The following ELFN2 variants were observed in gnomAD, a reference collection of about 807,000 sequenced individuals.
ELFN2 encodes protein phosphatase 1 regulatory subunit 29.
ELFN2 carries 17 observed loss-of-function variants against 45.5 expected under a neutral mutation model. That is an observed-to-expected ratio of 0.37 (90% CI 0.26 to 0.56). The LOEUF is 0.56. Ranked by LOEUF, ELFN2 falls within the 20% of genes least tolerant of loss-of-function variation. ELFN2 has a pLI of 0.77. For synonymous variants in ELFN2, 550 were observed against 551.5 expected (o/e 1.00, Z 0.04); for missense variants, 922 against 1,183.2 (o/e 0.78, Z 3.24).
Position 37,374,347 on chromosome 22 carries a change from G to C in ELFN2, c.1188C>G (p.His396Gln). ...GGCAGCCCAGGATGGTCATGATGTA[G>C]TGGGTGGTGGTGGAGGTGCTGGGCG... Reference protein sequence around the residue: ...DLAPSTSTTTHYIMTILGCLF... With the variant: ...DLAPSTSTTTQYIMTILGCLF... The change falls in exon 3 of 3, where the codon CAC (histidine) becomes CAG (glutamine). Residue 396 changes from histidine to glutamine, a missense_variant. Coordinates refer to ENST00000402918, the MANE Select transcript of ELFN2 (RefSeq NM_052906.5). The C allele has an allele frequency of 1.9e-6, 3 of 1,614,104 alleles. No homozygotes were observed. Among genetic ancestry groups the C allele is most frequent in the Non-Finnish European group, 2.5e-6 (3 of 1,180,032 alleles).
Position 37,375,305 on chromosome 22 carries a change from C to T in ELFN2, c.230G>A (p.Arg77His), listed in dbSNP as rs749342938. 1 of 1,614,036 alleles carries T rather than the reference C, an allele frequency of 6.2e-7. No homozygotes were observed. ...GTTGAGGTCGGTGAGGTTCCCAAAG[C>T]GGTTGAGCGAGGAGTAGAGCACGGC... ...LKAVLYSSLNRFGNLTDLNLT... is the reference protein window; with the variant it reads ...LKAVLYSSLNHFGNLTDLNLT... The change falls in exon 3 of 3, where the codon CGC becomes CAC. Residue 77 changes from arginine (R) to histidine (H), a missense_variant. Physicochemically the swap from Arg to His is conservative, Grantham distance 29. Coordinates refer to ENST00000402918, the MANE Select transcript of ELFN2 (RefSeq NM_052906.5).
In ELFN2 at chr22:37,371,902, T is replaced by C. The variant is rs1328474380; in HGVS notation, c.*1170A>G. On this transcript the variant is annotated 3_prime_UTR_variant, in exon 3 of 3. Coordinates refer to ENST00000402918, the MANE Select transcript of ELFN2 (RefSeq NM_052906.5). This position sits in a 1 kb window ranked among gnomAD's most constrained non-coding sequence, Gnocchi z 6.4. ...GCCTGGATGAGCAGCCCAGAGGGGA[T>C]GGGTGAGAAAGCCCTCCTTCCCCGG... The C allele has an allele frequency of 1.3e-5, 2 of 152,320 alleles. No individual in the cohort carries two copies. The highest frequency in any genetic ancestry group is 1.9e-4 in the East Asian group (1 of 5,168). 9.4% of individuals were successfully genotyped at this position (152,320 alleles called of 1,614,324 possible). A position where few individuals can be genotyped will look rare whatever the true frequency, so the allele number is the denominator to read the frequency against.
At chr22:37,418,865 C>G (rs1173965593) in intron 1 of ELFN2, 1 of 152,528 alleles carries the variant, frequency 6.6e-6, no homozygotes, top group South Asian at 2.1e-4. Flanking sequence ...AGCACAGTAC[C>G]TGGCTGACCT....
chr22:37,414,177 A>AT (rs1332802960), intron 2 of ELFN2, among the ~76,000 whole-genome samples: 1 of 152,212 alleles, frequency 6.6e-6, no homozygotes, highest in Admixed American at 6.5e-5. Context: ...ACAAAAAAAA[A>AT]GCTGTCTTCA....
intron 1 of ELFN2, among the ~76,000 whole-genome samples, chr22:37,348,378 G>A (rs1042297187): frequency 7.3e-6 from 1 of 137,554 alleles, no homozygotes; most frequent in Non-Finnish European, 1.7e-5. Context: ...AGGCGTGGCT[G>A]TGGGGTTGAG....
chr22:37,399,147 G>A (rs1414518188), intron 2 of ELFN2, among the ~76,000 whole-genome samples: 67 of 152,214 alleles, frequency 4.4e-4, no homozygotes, highest in Non-Finnish European at 1.6e-4. Context: ...TGAACTCGGA[G>A]AGGCTTTTTG....
rs1482918099 is a variant in ELFN2 at position 37,346,436 on chromosome 22, G to A, written n.149-3733C>T. On this transcript the variant is annotated intron_variant and non_coding_transcript_variant, in intron 1 of 2. Transcript: ENST00000452946. ...CAGGCCCTGGGTGGCCCTGGCAGCT[G>A]CTCTGTCCCCACCCTACACACCCCT... Among the ~76,000 whole-genome samples the A allele has an allele frequency of 1.3e-5, 2 of 150,578 alleles. 1 individual carries two copies. The highest frequency in any genetic ancestry group is 4.2e-4 in the South Asian group (2 of 4,788).
intron 2 of ELFN2, among the ~76,000 whole-genome samples, chr22:37,394,729 T>G (rs915202739): frequency 2.0e-5 from 3 of 152,168 alleles, no homozygotes; most frequent in Non-Finnish European, 4.4e-5. Flanking sequence ...AATGAAGAAC[T>G]CTTCACTCCT....
At chr22:37,360,072 G>T (rs187875020) in intron 1 of ELFN2, among the ~76,000 whole-genome samples, 63 of 152,362 alleles carry the variant, frequency 4.1e-4, no homozygotes, top group African/African-American at 1.5e-3. Flanking sequence ...GGTGCTGGTG[G>T]TGGGCATGAC....
At chr22:37,348,999 G>T (rs918956479) in intron 1 of ELFN2, among the ~76,000 whole-genome samples, 3 of 151,084 alleles carry the variant, frequency 2.0e-5, no homozygotes, top group Admixed American at 1.3e-4. Context: ...TGAGCGTTTA[G>T]TGCATGCTGG....
chr22:37,357,708 C>T (rs1013581919), intron 1 of ELFN2, among the ~76,000 whole-genome samples: 11 of 152,206 alleles, frequency 7.2e-5, no homozygotes, highest in Non-Finnish European at 1.6e-4. Flanking sequence ...AAAAATGTTG[C>T]GGTGCCCTAG....
rs949010308 is a variant in ELFN2 at position 37,343,140 on chromosome 22, T to A, written n.149-437A>T. On this transcript the variant is annotated intron_variant and non_coding_transcript_variant, in intron 1 of 2. Transcript: ENST00000452946. ...ACCGGAACTTGCCGAGGACACACAG[T>A]GAGGCCACAGCAGGGCGGCGACTGG... 3.7e-4 allele frequency among the ~76,000 whole-genome samples: 56 copies of A among 152,028 alleles called. 1 individual carries two copies. Among genetic ancestry groups the A allele is most frequent in the Middle Eastern group, 3.2e-3 (1 of 316 alleles).
intron 1 of ELFN2, among the ~76,000 whole-genome samples, chr22:37,359,400 C>T (rs1569127777): frequency 1.3e-5 from 2 of 152,162 alleles, no homozygotes; most frequent in Admixed American, 6.5e-5. Flanking sequence ...CTTCCTTTAC[C>T]CCACTCGGAG....
intron 2 of ELFN2, among the ~76,000 whole-genome samples, chr22:37,398,126 T>C (rs762248063): frequency 6.6e-6 from 1 of 152,074 alleles, no homozygotes; most frequent in Non-Finnish European, 1.5e-5. Context: ...GGGTCCCCAT[T>C]TGATAGACAA....
intron 2 of ELFN2, among the ~76,000 whole-genome samples, chr22:37,398,222 G>C (rs1025320767): frequency 6.6e-6 from 1 of 152,086 alleles, no homozygotes; most frequent in Admixed American, 6.5e-5. Context: ...AGACCGTGCC[G>C]GGCACATGGA....
At chr22:37,390,460 G>A (rs1034347180) in intron 2 of ELFN2, among the ~76,000 whole-genome samples, 1 of 152,194 alleles carries the variant, frequency 6.6e-6, no homozygotes, top group East Asian at 1.9e-4. Context: ...ACCTTACCCA[G>A]GCTGGCAAAG....
At chr22:37,345,016 G>T (rs575350200) in intron 1 of ELFN2, among the ~76,000 whole-genome samples, 3 of 152,134 alleles carry the variant, frequency 2.0e-5, no homozygotes, top group Non-Finnish European at 2.9e-5. Context: ...CCCCTGAGGG[G>T]CCACGCTCCC....
intron 1 of ELFN2, 64 bp downstream of exon 1, chr22:37,427,234 C>A (rs1306746631): frequency 7.4e-6 from 1 of 134,820 alleles, no homozygotes; most frequent in Non-Finnish European, 1.6e-5. Context: ...CGGCTCCAGC[C>A]CCGACTCCCA....
intron 2 of ELFN2, among the ~76,000 whole-genome samples, chr22:37,405,181 C>T (rs567048812): frequency 6.6e-6 from 1 of 151,706 alleles, no homozygotes; most frequent in Non-Finnish European, 1.5e-5. Context: ...CAACCTCCGC[C>T]TCCCGGGTTC....
Sources: gnomAD v4.1 joint callset for allele counts (sites outside exome capture counted in the v4.1 genomes callset) on GRCh38, gnomAD v4.1.1 for gene constraint, Gnocchi (gnomAD v3.1) non-coding constraint, MANE v1.5 for transcripts, NCBI Gene and HGNC (gene_info 2026-07-23, HGNC 2026-07-21) for gene names.